Variants in TRDN observed in about 807,000 individuals in gnomAD.
TRDN encodes triadin in skeletal muscle.
In TRDN, 161 loss-of-function variants were observed where a neutral mutation model predicts 149.7. The ratio of observed to expected loss-of-function variants is 1.08; its 90% CI spans 0.95 to 1.23. The LOEUF (loss-of-function observed/expected upper bound fraction) is 1.23, where lower values mean the gene tolerates loss of function less well. Ranked by LOEUF, TRDN falls within the 50% of genes most tolerant of loss-of-function variation. The pLI is 0.00. For missense variants in TRDN, 896 were observed against 823.5 expected, an observed-to-expected ratio of 1.09 and a Z score of -1.08; for synonymous variants, 294 against 250.5, an observed-to-expected ratio of 1.17 and a Z score of -1.64.
At chr6:123,625,779 TACTA>T (rs1182144921) in intron 1 of TRDN, among the ~76,000 whole-genome samples, 1 of 152,150 alleles carries the variant, frequency 6.6e-6, no homozygotes, top group Admixed American at 6.6e-5. Flanking sequence ...TGCTAAAAAA[TACTA>T]ACAATCATGT....
intron 19 of TRDN, among the ~76,000 whole-genome samples, chr6:123,371,226 T>A (rs1417540904): frequency 6.6e-6 from 1 of 152,138 alleles, no homozygotes; most frequent in Admixed American, 6.6e-5. Flanking sequence ...GGAACTGATA[T>A]TTTAGAACTG....
chr6:123,377,563 T>A (rs1781555415), intron 18 of TRDN, among the ~76,000 whole-genome samples, 153 bp downstream of exon 18: 1 of 152,204 alleles, frequency 6.6e-6, no homozygotes, highest in Non-Finnish European at 1.5e-5. Context: ...ACTGCATTGA[T>A]GTTATGTCCA....
chr6:123,609,160 G>A (rs879264421), intron 1 of TRDN, among the ~76,000 whole-genome samples: 4 of 151,794 alleles, frequency 2.6e-5, no homozygotes, highest in Non-Finnish European at 5.9e-5. Flanking sequence ...GTGACAGAGG[G>A]AGACTCCATC....
chr6:123,234,564 G>A (rs906210415), intron 38 of TRDN, among the ~76,000 whole-genome samples: 2 of 152,072 alleles, frequency 1.3e-5, no homozygotes, highest in Non-Finnish European at 2.9e-5. Flanking sequence ...GAACTGGGAC[G>A]TAAGATATCT....
At chr6:123,391,116 C>A (rs1782096716) in intron 13 of TRDN, among the ~76,000 whole-genome samples, 1 of 152,038 alleles carries the variant, frequency 6.6e-6, no homozygotes, top group African/African-American at 2.4e-5. Flanking sequence ...GGGTCTATAT[C>A]AATTTCTTCC....
intron 24 of TRDN, among the ~76,000 whole-genome samples, chr6:123,287,178 C>T (rs138831909): frequency 1.7e-4 from 26 of 152,130 alleles, no homozygotes; most frequent in Non-Finnish European, 3.5e-4. Context: ...TTCATGAATT[C>T]GTATATTCAG....
intron 4 of TRDN, among the ~76,000 whole-genome samples, chr6:123,541,164 AT>A (rs903017159): frequency 5.3e-5 from 8 of 152,130 alleles, no homozygotes; most frequent in African/African-American, 1.9e-4. Context: ...CACCAATGAA[AT>A]TATTCTTGCT....
chr6:123,374,014 C>A (rs1334919282), intron 19 of TRDN, among the ~76,000 whole-genome samples: 2 of 152,100 alleles, frequency 1.3e-5, no homozygotes, highest in South Asian at 4.1e-4. Context: ...AATGGCTGGT[C>A]ACCTTGTTAT....
intron 19 of TRDN, among the ~76,000 whole-genome samples, chr6:123,371,548 CTT>C: frequency 6.6e-6 from 1 of 152,184 alleles, no homozygotes; most frequent in African/African-American, 2.4e-5. Context: ...CATTATGTCA[CTT>C]TTAAATACTA....
At position 123,570,734 on chromosome 6, in the gene TRDN, A is replaced by G. The variant is rs370169442; in HGVS notation, c.232+189T>C. ...ATTTCATTGGAAATCAATAAGTACC[A>G]CCGACAAAGAAAGAGAATAGGAGGA... On this transcript the variant is annotated intron_variant, in intron 2 of 40. Coordinates refer to ENST00000334268, the MANE Select transcript of TRDN (RefSeq NM_006073.4). 4.2e-3 allele frequency among the ~76,000 whole-genome samples: 646 copies of G among 152,260 alleles called. 2 individuals are homozygous for G. The highest frequency in any genetic ancestry group is 0.015 in the African/African-American group (624 of 41,544).
At chr6:123,325,300 C>A (rs1779399695) in intron 23 of TRDN, among the ~76,000 whole-genome samples, 1 of 152,038 alleles carries the variant, frequency 6.6e-6, no homozygotes, top group Admixed American at 6.6e-5. Flanking sequence ...CCTTAAAATA[C>A]TTCAGGGCAG....
chr6:123,572,488 C>G (rs1424385670), intron 1 of TRDN, among the ~76,000 whole-genome samples: 1 of 151,714 alleles, frequency 6.6e-6, no homozygotes, highest in African/African-American at 2.4e-5. Context: ...ATTATCTGGG[C>G]TACACTTGAC....
At chr6:123,436,058 G>C (rs868141211) in intron 12 of TRDN, among the ~76,000 whole-genome samples, 1 of 152,004 alleles carries the variant, frequency 6.6e-6, no homozygotes, top group Non-Finnish European at 1.5e-5. Context: ...CCAAAAACAC[G>C]TTTTCAGATT....
chr6:123,421,900 G>A (rs1773920908), intron 12 of TRDN, among the ~76,000 whole-genome samples: 1 of 151,616 alleles, frequency 6.6e-6, no homozygotes, highest in South Asian at 2.1e-4. Context: ...CTTGAGCCTA[G>A]GGGTTTGAAG....
chr6:123,455,486 G>A (rs934810826), intron 10 of TRDN, among the ~76,000 whole-genome samples: 3 of 151,626 alleles, frequency 2.0e-5, no homozygotes, highest in South Asian at 2.1e-4. Context: ...GGAGCGAGAC[G>A]GGAGAAGGAA....
chr6:123,385,666 A>G (rs1263045742), intron 14 of TRDN, among the ~76,000 whole-genome samples: 1 of 152,084 alleles, frequency 6.6e-6, no homozygotes, highest in Non-Finnish European at 1.5e-5. Context: ...TCTCACATGT[A>G]TTCAGCTCTA....
chr6:123,356,523 AT>A (rs1780688093), intron 20 of TRDN, among the ~76,000 whole-genome samples: 1 of 76,778 alleles, frequency 1.3e-5, no homozygotes, highest in Non-Finnish European at 2.9e-5. Flanking sequence ...ATATATATAT[AT>A]ATATATATAT....
Position 123,548,491 on chromosome 6 carries a change from ATCT to A in TRDN, c.351_353del (p.Glu117del). ...CTTCGTCACCATCATCATCTTCTTC[ATCT>A]TCAGATGAGATGATGTCAGATAACA... is the stretch of plus-strand genomic sequence containing the variant. On this transcript the variant is annotated inframe_deletion, in exon 3 of 41. Coordinates refer to ENST00000334268, the MANE Select transcript of TRDN (RefSeq NM_006073.4). The A allele has an allele frequency of 6.3e-7, 1 of 1,575,204 alleles. No individual in the cohort carries two copies. The highest frequency in any genetic ancestry group is 8.6e-7 in the Non-Finnish European group (1 of 1,160,714).
chr6:123,570,993 A>T lies in TRDN; in HGVS notation c.162T>A (p.Ile54=). The change falls in exon 2 of 41, where the codon ATT becomes ATA. Residue 54 remains isoleucine (I), a synonymous_variant. Coordinates refer to ENST00000334268, the MANE Select transcript of TRDN (RefSeq NM_006073.4). The part of the protein sequence containing the change: ...FSSPAAWLLV[I]ALIITWSAVA... ...CAGCTGACCACGTGATTATCAGGGCAATGACCAGAAGCCAGGCTGCAGGGG... is the reference window on the plus strand; with the variant it reads ...CAGCTGACCACGTGATTATCAGGGCTATGACCAGAAGCCAGGCTGCAGGGG... 6.2e-7 allele frequency: 1 copy of T among 1,614,020 alleles called. No individual in the cohort carries two copies. The highest frequency in any genetic ancestry group is 1.1e-5 in the South Asian group (1 of 91,086).
Sources: gnomAD v4.1 joint callset for allele counts (sites outside exome capture counted in the v4.1 genomes callset) on GRCh38, gnomAD v4.1.1 for gene constraint, MANE v1.5 for transcripts, NCBI Gene and HGNC (gene_info 2026-07-23, HGNC 2026-07-21) for gene names.